CSMD1: variants seen among roughly 807,000 people sequenced by gnomAD.
CSMD1 encodes CUB and Sushi multiple domains 1.
Under a neutral mutation model 417.5 loss-of-function variants are expected in CSMD1, and 213 were observed. The observed-to-expected ratio is 0.51, with a 90% CI of 0.46 to 0.57. The LOEUF is 0.57. CSMD1 is among the 20% of genes least tolerant of loss of function. The probability of loss-of-function intolerance (pLI) is 0.00; values close to 1 mark genes in which losing one functional copy is unlikely to be tolerated. For missense variants in CSMD1, 6,923 were observed against 4,529.7 expected (o/e 1.53, Z -15.17); for synonymous variants, 2,862 against 1,736.8 (o/e 1.65, Z -16.11).
chr8:4,940,424 T>A (rs1208481639), intron 1 of CSMD1, among the ~76,000 whole-genome samples: 1 of 152,238 alleles, frequency 6.6e-6, no homozygotes, highest in African/African-American at 2.4e-5. Flanking sequence ...GTGTAAAATA[T>A]GTACTTTGAT....
intron 8 of CSMD1, among the ~76,000 whole-genome samples, chr8:3,599,763 G>C (rs151255798): frequency 6.6e-6 from 1 of 152,098 alleles, no homozygotes; most frequent in Non-Finnish European, 1.5e-5. Flanking sequence ...TCACCAGGTG[G>C]TCCTTCCCGC....
chr8:3,665,854 C>G (rs1384193950), intron 7 of CSMD1, among the ~76,000 whole-genome samples: 1 of 152,036 alleles, frequency 6.6e-6, no homozygotes, highest in Non-Finnish European at 1.5e-5. Flanking sequence ...GCATTTATGA[C>G]CTCAGTGTTG....
At chr8:3,835,658 A>C (rs550764808) in intron 5 of CSMD1, among the ~76,000 whole-genome samples, 1 of 151,724 alleles carries the variant, frequency 6.6e-6, no homozygotes, top group Non-Finnish European at 1.5e-5. Context: ...ACATGTATAC[A>C]TATGTAACAA....
chr8:3,154,563 A>C (rs1819401120), intron 39 of CSMD1, among the ~76,000 whole-genome samples: 1 of 152,212 alleles, frequency 6.6e-6, no homozygotes, highest in Non-Finnish European at 1.5e-5. Flanking sequence ...AAGAATATAC[A>C]GAATTTTTAC....
chr8:4,276,448 G>A (rs1252749131), intron 3 of CSMD1, among the ~76,000 whole-genome samples: 1 of 152,060 alleles, frequency 6.6e-6, no homozygotes, highest in Non-Finnish European at 1.5e-5. Flanking sequence ...CGCTTGGAGG[G>A]GAACATCACA....
At chr8:4,806,475 G>T (rs377326568) in intron 1 of CSMD1, among the ~76,000 whole-genome samples, 3 of 148,164 alleles carry the variant, frequency 2.0e-5, no homozygotes, top group East Asian at 4.4e-4. Flanking sequence ...CCCATCTGTG[G>T]GCCATCTATT....
intron 3 of CSMD1, among the ~76,000 whole-genome samples, chr8:4,289,066 G>A (rs542822522): frequency 4.6e-5 from 7 of 152,172 alleles, no homozygotes; most frequent in African/African-American, 1.4e-4. Flanking sequence ...GTGCACATAT[G>A]GATGAAAATA....
intron 2 of CSMD1, among the ~76,000 whole-genome samples, chr8:4,524,807 A>G (rs991475206): frequency 6.6e-6 from 1 of 152,132 alleles, no homozygotes; most frequent in Non-Finnish European, 1.5e-5. Context: ...ACGGTGAGTC[A>G]AAATTGTGCA....
intron 3 of CSMD1, among the ~76,000 whole-genome samples, chr8:4,418,202 A>C (rs1426510103): frequency 6.6e-6 from 1 of 152,086 alleles, no homozygotes; most frequent in Non-Finnish European, 1.5e-5. Context: ...TTTCAAATCG[A>C]AATACCACAA....
intron 3 of CSMD1, among the ~76,000 whole-genome samples, chr8:4,360,806 T>G (rs935996849): frequency 6.6e-6 from 1 of 151,646 alleles, no homozygotes; most frequent in Non-Finnish European, 1.5e-5. Context: ...TCGGGGTTCG[T>G]AATCTCACAG....
chr8:3,160,557 T>G (rs1362740247), intron 38 of CSMD1, among the ~76,000 whole-genome samples: 1 of 152,248 alleles, frequency 6.6e-6, no homozygotes, highest in East Asian at 1.9e-4. Flanking sequence ...CTCACCAGTT[T>G]CCACTACAGA....
intron 3 of CSMD1, among the ~76,000 whole-genome samples, chr8:4,355,395 T>C (rs531609529): frequency 1.3e-5 from 2 of 151,486 alleles, no homozygotes; most frequent in African/African-American, 2.4e-5. Flanking sequence ...GCGTTAAGAG[T>C]GTTCTTAACA....
In CSMD1 at chr8:2,938,117, A is replaced by AT. The variant is rs1383232860; in HGVS notation, c.*467dup. ...GGTGTCTTCTTCCAGAAAGCTTTTT[A>AT]TTTTTTTCAGAGTATTCGTGTTCAT... is the stretch of plus-strand genomic sequence containing the variant. On this transcript the variant is annotated 3_prime_UTR_variant, in exon 70 of 70. Coordinates refer to ENST00000635120, the MANE Select transcript of CSMD1 (RefSeq NM_033225.6). 9 of 152,894 alleles carry AT rather than the reference A, an allele frequency of 5.9e-5. No homozygotes were observed. Among genetic ancestry groups the AT allele is most frequent in the African/African-American group, 1.9e-4 (8 of 41,462 alleles). 9.5% of individuals were successfully genotyped at this position (152,894 alleles called of 1,614,324 possible). A position where few individuals can be genotyped will look rare whatever the true frequency, so the allele number is the denominator to read the frequency against.
At position 4,433,764 on chromosome 8, in the gene CSMD1, T is replaced by C. The variant is rs191479591; in HGVS notation, c.303-13699A>G. On this transcript the variant is annotated intron_variant, in intron 2 of 69. Coordinates refer to ENST00000635120, the MANE Select transcript of CSMD1 (RefSeq NM_033225.6). ...TATTTCCTACACCTTTATGAATTTA[T>C]AGATGGAGTTTAAAATTTGTGTCTA... is the stretch of plus-strand genomic sequence containing the variant. Among the ~76,000 whole-genome samples, 639 of 152,320 alleles carry C rather than the reference T, an allele frequency of 4.2e-3. 7 individuals carry two copies. The highest frequency in any genetic ancestry group is 0.015 in the African/African-American group (613 of 41,568).
Position 3,052,536 on chromosome 8 carries a change from G to A in CSMD1, c.7586C>T (p.Ser2529Phe). The A allele has an allele frequency of 6.2e-7, 1 of 1,606,940 alleles. No individual in the cohort carries two copies. Among genetic ancestry groups the A allele is most frequent in the Non-Finnish European group, 8.5e-7 (1 of 1,176,562 alleles). The change falls in exon 50 of 70, where the codon TCC (serine) becomes TTC (phenylalanine). Residue 2529 changes from serine to phenylalanine, a missense_variant. Physicochemically the swap from Ser to Phe is radical, Grantham distance 155 (BLOSUM62 -2). Transcript: ENST00000635120. The stretch of plus-strand genomic sequence containing the variant: ...ACACACGGCTGTTGCTTGCTGGCTG[G>A]ATTCAAGCTTGAAGCCCTCATGACA... ...YECHEGFKLE[S>F]SQQATAVCQE...
At chr8:4,023,270 C>T (rs1197326098) in intron 4 of CSMD1, among the ~76,000 whole-genome samples, 2 of 152,180 alleles carry the variant, frequency 1.3e-5, no homozygotes, top group Non-Finnish European at 2.9e-5. Context: ...ACATCTGAAC[C>T]AACTACCCAT....
chr8:3,873,281 T>C (rs975671775), intron 5 of CSMD1, among the ~76,000 whole-genome samples: 1 of 151,860 alleles, frequency 6.6e-6, no homozygotes, highest in Non-Finnish European at 1.5e-5. Context: ...CTATTCACAA[T>C]AGCAAAGACA....
At position 3,957,470 on chromosome 8, in the gene CSMD1, G is replaced by A. The variant is rs1023461245; in HGVS notation, c.818+40433C>T. Among the ~76,000 whole-genome samples, 6 of 152,210 alleles carry A rather than the reference G, an allele frequency of 3.9e-5. No homozygotes were observed. The South Asian group carries it at 6.2e-4, about 16-fold the overall frequency. On this transcript the variant is annotated intron_variant, in intron 5 of 69. Transcript: ENST00000635120. ...AAGCAGGAGAAGCCCCTGAGCCTAG[G>A]AGTATTGGACCATGTGGGCAACATG...
chr8:3,401,363 T>C (rs1409737015), intron 15 of CSMD1, among the ~76,000 whole-genome samples: 1 of 152,170 alleles, frequency 6.6e-6, no homozygotes, highest in African/African-American at 2.4e-5. Context: ...ATGTCTAACT[T>C]GCCAAATATT....
Sources: gnomAD v4.1 joint callset for allele counts (sites outside exome capture counted in the v4.1 genomes callset) on GRCh38, gnomAD v4.1.1 for gene constraint, MANE v1.5 for transcripts, NCBI Gene and HGNC (gene_info 2026-07-23, HGNC 2026-07-21) for gene names.